Variants in PFKFB3 observed in about 807,000 individuals in gnomAD.
PFKFB3 encodes 6-phosphofructo-2-kinase/fructose-2,6-biphosphatase 3, also known as 6-phosphofructo-2-kinase/fructose-2,6-bisphosphatase 3.
Under a neutral mutation model 68.0 loss-of-function variants are expected in PFKFB3, and 33 were observed. That is an observed-to-expected ratio of 0.49 (90% CI 0.37 to 0.65). The LOEUF (loss-of-function observed/expected upper bound fraction) is 0.65, where lower values mean the gene tolerates loss of function less well. Ranked by LOEUF, PFKFB3 falls within the 30% of genes least tolerant of loss-of-function variation. The probability of loss-of-function intolerance (pLI) is 0.00; values close to 1 mark genes in which losing one functional copy is unlikely to be tolerated. For missense variants in PFKFB3, 586 were observed against 712.2 expected (o/e 0.82, Z 2.02); for synonymous variants, 315 against 288.2 (o/e 1.09, Z -0.94).
chr10:6,317,866 G>A, the PFKFB3 span, among the ~76,000 whole-genome samples: 4 of 152,222 alleles, frequency 2.6e-5, no homozygotes, highest in Non-Finnish European at 5.9e-5. Flanking sequence ...ACGCAATTGT[G>A]CGCAAAGACT....
chr10:6,207,441 G>A (rs1843866540), intron 1 of PFKFB3, among the ~76,000 whole-genome samples: 1 of 152,208 alleles, frequency 6.6e-6, no homozygotes, highest in Non-Finnish European at 1.5e-5. Context: ...GAGGGAGAGG[G>A]AGAGGGAGCT....
chr10:6,173,148 C>T (rs573503499), intron 1 of PFKFB3, among the ~76,000 whole-genome samples: 2 of 152,340 alleles, frequency 1.3e-5, no homozygotes, highest in African/African-American at 2.4e-5. Context: ...CCACTCACCT[C>T]ACACCCTTCC....
At chr10:6,321,650 C>T in the PFKFB3 span, among the ~76,000 whole-genome samples, 1 of 152,176 alleles carries the variant, frequency 6.6e-6, no homozygotes, top group African/African-American at 2.4e-5. Flanking sequence ...CCTTTGCACT[C>T]ACCCAGCAAA....
At chr10:6,221,283 G>A (rs1212673103) in intron 8 of PFKFB3, 98 bp from the exon 9 acceptor site, 1 of 1,432,332 alleles carries the variant, frequency 7.0e-7, no homozygotes, top group South Asian at 1.3e-5. Flanking sequence ...GGTGTAACCA[G>A]GTAGTGCACA....
intron 1 of PFKFB3, among the ~76,000 whole-genome samples, chr10:6,210,143 TGAGAA>T (rs1323659514): frequency 8.4e-6 from 1 of 118,508 alleles, no homozygotes; most frequent in East Asian, 2.2e-4. Flanking sequence ...AAAGGCCCAT[TGAGAA>T]GAGAAGAAGA....
intron 6 of PFKFB3, among the ~76,000 whole-genome samples, chr10:6,217,888 A>T (rs1187232354): frequency 6.6e-6 from 1 of 152,206 alleles, no homozygotes; most frequent in Non-Finnish European, 1.5e-5. Flanking sequence ...ACAATTCTAT[A>T]AAGAAAAGCA....
At chr10:6,255,680 G>A (rs899309167), downstream of PFKFB3, among the ~76,000 whole-genome samples, 14 of 152,082 alleles carry the variant, frequency 9.2e-5, no homozygotes, top group Non-Finnish European at 1.6e-4. Flanking sequence ...CAGGGTTGTC[G>A]GCTGTGTGAA....
rs893872159 is a variant in PFKFB3, at chr10:6,215,152, A to G, written c.203-69A>G. The G allele has an allele frequency of 1.7e-5, 23 of 1,347,458 alleles. No homozygotes were observed. The highest frequency in any genetic ancestry group is 1.8e-4 in the Middle Eastern group (1 of 5,540). 83.5% of individuals were successfully genotyped at this position (1,347,458 alleles called of 1,614,324 possible). A position where few individuals can be genotyped will look rare whatever the true frequency, so the allele number is the denominator to read the frequency against. On this transcript the variant is annotated intron_variant, in intron 2 of 14. Coordinates refer to ENST00000379775, the MANE Select transcript of PFKFB3 (RefSeq NM_004566.4). This position sits in a 1 kb window ranked among gnomAD's most constrained non-coding sequence, Gnocchi z 4.3. Reference sequence around the variant, plus strand: ...GGTGGCTCTTCCTTTGGTCGATCCTATGGTCCCGGTGTGAGCTGGCCCCTT... The same window carrying G: ...GGTGGCTCTTCCTTTGGTCGATCCTGTGGTCCCGGTGTGAGCTGGCCCCTT...
At chr10:6,167,542 A>G (rs905181477) in intron 1 of PFKFB3, among the ~76,000 whole-genome samples, 10 of 152,360 alleles carry the variant, frequency 6.6e-5, no homozygotes, top group African/African-American at 1.9e-4. Context: ...GAGAGAAGGT[A>G]GGGGCTGTGG....
chr10:6,231,198 A>G lies in PFKFB3; in HGVS notation c.1516-1697A>G, dbSNP rs1845717269. On this transcript the variant is annotated intron_variant, in intron 14 of 14. Transcript: ENST00000379775. ...CAAATGCACACTAGAAAATCCTACT[A>G]AAGATTTTCTTTTTTTTTTTCCTTT... 28 of 1,155,216 alleles carry G rather than the reference A, an allele frequency of 2.4e-5. No homozygotes were observed. The South Asian group carries it at 3.1e-4, about 13-fold the overall frequency. The allele number at this position is 1,155,216 out of a possible 1,614,324, so 71.6% of individuals were successfully genotyped here.
chr10:6,205,388 C>CTTTTTTTTT (rs3084014), intron 1 of PFKFB3, among the ~76,000 whole-genome samples: 52 of 106,510 alleles, frequency 4.9e-4, no homozygotes, highest in Non-Finnish European at 6.5e-4. Flanking sequence ...TTCTTTCTTC[C>CTTTTTTTTT]TTTTTTTTTT....
intron 1 of PFKFB3, among the ~76,000 whole-genome samples, chr10:6,171,061 C>T (rs1035385317): frequency 3.9e-5 from 6 of 151,942 alleles, no homozygotes; most frequent in African/African-American, 1.5e-4. Context: ...GACGGAGTTT[C>T]GCTCTTGTTG....
At chr10:6,298,355 T>G in the PFKFB3 span, among the ~76,000 whole-genome samples, 1 of 144,776 alleles carries the variant, frequency 6.9e-6, no homozygotes, top group Non-Finnish European at 1.5e-5. Flanking sequence ...AGTCCACTTA[T>G]TCTATGGTTC....
chr10:6,236,476 C>T (rs1564228395), downstream of PFKFB3, among the ~76,000 whole-genome samples: 1 of 152,224 alleles, frequency 6.6e-6, no homozygotes, highest in Non-Finnish European at 1.5e-5. Flanking sequence ...AGCCTTGACT[C>T]CCCAGTGAGT....
intron 1 of PFKFB3, among the ~76,000 whole-genome samples, chr10:6,193,261 G>A (rs1048070330): frequency 1.3e-5 from 2 of 152,194 alleles, no homozygotes; most frequent in South Asian, 2.1e-4. Context: ...TGAAGTGGGA[G>A]GACAGTTTGA....
At chr10:6,323,032 G>A in the PFKFB3 span, among the ~76,000 whole-genome samples, 1 of 152,348 alleles carries the variant, frequency 6.6e-6, no homozygotes, top group South Asian at 2.1e-4. Context: ...CCTGTTGAGT[G>A]AAACAGATGA....
rs753182994 is a variant in PFKFB3, at chr10:6,228,237, A to G, written c.1515+1872A>G. The stretch of plus-strand genomic sequence containing the variant: ...CCTGTCTGTAAGTATCTCTCCGATC[A>G]TCGCTGCTGCTTGCACTGCTTTCTT... On this transcript the variant is annotated intron_variant, in intron 14 of 14. Transcript: ENST00000379775. This position sits in a 1 kb window ranked among gnomAD's most constrained non-coding sequence, Gnocchi z 4.5. 2.3e-5 allele frequency: 37 copies of G among 1,612,456 alleles called. No homozygotes were observed. Among genetic ancestry groups the G allele is most frequent in the Non-Finnish European group, 3.1e-5 (36 of 1,179,710 alleles).
chr10:6,168,005 A>G (rs1186307582), intron 1 of PFKFB3, among the ~76,000 whole-genome samples: 1 of 152,206 alleles, frequency 6.6e-6, no homozygotes, highest in Non-Finnish European at 1.5e-5. Flanking sequence ...CGTCATCTCT[A>G]AATGACAGAT....
chr10:6,188,074 T>C (rs1842923509), intron 1 of PFKFB3, among the ~76,000 whole-genome samples: 1 of 151,956 alleles, frequency 6.6e-6, no homozygotes, highest in African/African-American at 2.4e-5. Context: ...TGTGTGTACG[T>C]GTGCGTGTGT....
Sources: allele counts gnomAD v4.1 joint callset (sites outside exome capture counted in the v4.1 genomes callset), GRCh38; gene constraint gnomAD v4.1.1; non-coding constraint Gnocchi (gnomAD v3.1); transcripts MANE v1.5; gene names NCBI Gene and HGNC (gene_info 2026-07-23, HGNC 2026-07-21).